The following MAF variants were observed in gnomAD, a reference collection of about 807,000 sequenced individuals.
MAF encodes the protein MAF bZIP transcription factor, also known as transcription factor Maf.
MAF carries 10 observed loss-of-function variants against 22.0 expected under a neutral mutation model. That is an observed-to-expected ratio of 0.45 (90% CI 0.28 to 0.77). MAF has a LOEUF of 0.77. MAF is among the 30% of genes least tolerant of loss of function. The pLI is 0.12. For synonymous variants in MAF, 337 were observed against 255.8 expected (o/e 1.32, Z -3.03); for missense variants, 544 against 548.4 (o/e 0.99, Z 0.08).
chr16:79,345,465 C>T, the MAF span, among the ~76,000 whole-genome samples: 1 of 151,970 alleles, frequency 6.6e-6, no homozygotes, highest in African/African-American at 2.4e-5. Flanking sequence ...AGGTGTGGTG[C>T]CTCATGCCTG....
the MAF span, among the ~76,000 whole-genome samples, chr16:79,514,249 G>A: frequency 2.6e-5 from 4 of 152,294 alleles, no homozygotes; most frequent in South Asian, 2.1e-4. Flanking sequence ...GACCTTGAAC[G>A]CGCAGCTTGT....
rs777921473 is a variant in MAF at position 79,599,930 on chromosome 16, G to A, written c.-28C>T. The A allele has an allele frequency of 8.8e-6, 14 of 1,597,198 alleles. No individual in the cohort carries two copies. In the African/African-American group the frequency reaches 1.6e-4, roughly 18 times the overall value. On this transcript the variant is annotated 5_prime_UTR_variant, in exon 1 of 2. Coordinates refer to ENST00000326043, the MANE Select transcript of MAF (RefSeq NM_005360.5). ...TCCTGCCGCCGCCGCCGCCGCCGCC[G>A]CCGCTCCGCCAGATGGGCTGCAGGA...
chr16:79,253,271 C>T, the MAF span, among the ~76,000 whole-genome samples: 1 of 152,152 alleles, frequency 6.6e-6, no homozygotes. Flanking sequence ...ATGCCTGTTC[C>T]CTCAGCCCCC....
the MAF span, among the ~76,000 whole-genome samples, chr16:79,262,339 C>T: frequency 9.9e-5 from 15 of 152,254 alleles, no homozygotes; most frequent in East Asian, 2.7e-3. Flanking sequence ...ACTCTCTATC[C>T]AAAATAGACC....
chr16:79,547,354 T>C, the MAF span, among the ~76,000 whole-genome samples: 2 of 151,686 alleles, frequency 1.3e-5, no homozygotes, highest in African/African-American at 4.8e-5. Context: ...CACAGACACC[T>C]CCATGTATCT....
chr16:79,473,224 C>T, the MAF span, among the ~76,000 whole-genome samples: 2 of 152,144 alleles, frequency 1.3e-5, no homozygotes, highest in African/African-American at 4.8e-5. Flanking sequence ...GGGAGGGAGT[C>T]CTCATTTCTC....
chr16:79,299,497 G>A, the MAF span, among the ~76,000 whole-genome samples: 4 of 152,280 alleles, frequency 2.6e-5, no homozygotes, highest in East Asian at 5.8e-4. Context: ...GCGGGTGGCC[G>A]GAGAAGGAGG....
chr16:79,445,334 C>T, the MAF span, among the ~76,000 whole-genome samples: 3 of 152,176 alleles, frequency 2.0e-5, no homozygotes, highest in Non-Finnish European at 2.9e-5. Context: ...TGAGCCACTG[C>T]GCCCGGCCAA....
chr16:79,446,062 G>C, the MAF span, among the ~76,000 whole-genome samples: 3 of 151,428 alleles, frequency 2.0e-5, no homozygotes, highest in African/African-American at 7.3e-5. Context: ...AAGAGAGACA[G>C]AGACAGAGAG....
chr16:79,436,119 G>A, the MAF span, among the ~76,000 whole-genome samples: 12 of 152,202 alleles, frequency 7.9e-5, no homozygotes, highest in Admixed American at 6.5e-5. Context: ...GTCTAGCTCT[G>A]TCACCCAGGC....
the MAF span, among the ~76,000 whole-genome samples, chr16:79,339,110 C>T: frequency 6.6e-6 from 1 of 151,918 alleles, no homozygotes; most frequent in Admixed American, 6.6e-5. Context: ...CTCACTGTCG[C>T]CCAGGCTGGA....
chr16:79,322,917 G>A, the MAF span, among the ~76,000 whole-genome samples: 19 of 151,994 alleles, frequency 1.3e-4, no homozygotes, highest in South Asian at 4.2e-4. Context: ...TTGGGAGGCC[G>A]AGGTGAACAG....
the MAF span, among the ~76,000 whole-genome samples, chr16:79,216,859 G>C: frequency 1.3e-5 from 2 of 151,162 alleles, no homozygotes; most frequent in Non-Finnish European, 2.9e-5. Context: ...ACCCAGGCTG[G>C]AGTGCAGCGG....
the MAF span, among the ~76,000 whole-genome samples, chr16:79,294,206 C>T: frequency 6.6e-6 from 1 of 152,162 alleles, no homozygotes; most frequent in African/African-American, 2.4e-5. Context: ...TCAAGAGCTC[C>T]TGAGTCATGC....
the MAF span, chr16:79,211,590 T>G: frequency 7.4e-6 from 12 of 1,613,874 alleles, no homozygotes; most frequent in Middle Eastern, 1.6e-4. Flanking sequence ...TTTTTTGTCT[T>G]TCTTCTTGGA....
chr16:79,447,278 G>A, the MAF span, among the ~76,000 whole-genome samples: 1 of 148,820 alleles, frequency 6.7e-6, no homozygotes, highest in African/African-American at 2.5e-5. Context: ...CAGCACATCT[G>A]ATTACAACAT....
At chr16:79,585,264 G>T (rs1567556394), downstream of MAF, among the ~76,000 whole-genome samples, 2 of 152,126 alleles carry the variant, frequency 1.3e-5, no homozygotes, top group Non-Finnish European at 2.9e-5. Flanking sequence ...TGAAAATCAG[G>T]TTTCTGCTTC....
At chr16:79,254,415 C>T in the MAF span, among the ~76,000 whole-genome samples, 4 of 152,124 alleles carry the variant, frequency 2.6e-5, no homozygotes, top group African/African-American at 9.7e-5. Context: ...TTTATTTAAT[C>T]ATTTCCATTT....
the MAF span, among the ~76,000 whole-genome samples, chr16:79,459,263 G>A: frequency 6.6e-6 from 1 of 152,082 alleles, no homozygotes; most frequent in African/African-American, 2.4e-5. Flanking sequence ...AAAGATACAA[G>A]AATCCTGATT....
Sources: allele counts gnomAD v4.1 joint callset (sites outside exome capture counted in the v4.1 genomes callset), GRCh38; gene constraint gnomAD v4.1.1; transcripts MANE v1.5; gene names NCBI Gene and HGNC (gene_info 2026-07-23, HGNC 2026-07-21).